The following SCN10A variants were observed in gnomAD, a reference collection of about 807,000 sequenced individuals.
SCN10A encodes sodium voltage-gated channel alpha subunit 10, also known as sodium channel protein type 10 subunit alpha.
In SCN10A, 162 loss-of-function variants were observed where a neutral mutation model predicts 170.7. The ratio of observed to expected loss-of-function variants is 0.95; its 90% confidence interval spans 0.84 to 1.08. The LOEUF is 1.08. Ranked by LOEUF, SCN10A falls within the 50% of genes least tolerant of loss-of-function variation. The pLI is 0.00. For missense variants in SCN10A, 2,527 were observed against 2,436.9 expected, an observed-to-expected ratio of 1.04 and a Z score of -0.78; for synonymous variants, 985 against 904.6, an observed-to-expected ratio of 1.09 and a Z score of -1.59.
At chr3:38,801,421 T>C (rs4676593) in intron 1 of SCN10A, among the ~76,000 whole-genome samples, 48,234 of 152,090 alleles carry the variant, frequency 0.32, 8,337 homozygotes, top group African/African-American at 0.44. Context: ...CTGTGCTTAC[T>C]GTGATATAAA....
At chr3:38,731,907 G>A (rs2126005841) in intron 15 of SCN10A, among the ~76,000 whole-genome samples, 1 of 152,300 alleles carries the variant, frequency 6.6e-6, no homozygotes, top group Admixed American at 6.5e-5. Flanking sequence ...ACAGATCTGA[G>A]CTTGACCTCC....
At chr3:38,798,595 G>T (rs1185184491) in intron 1 of SCN10A, among the ~76,000 whole-genome samples, 1 of 152,116 alleles carries the variant, frequency 6.6e-6, no homozygotes, top group African/African-American at 2.4e-5. Flanking sequence ...GGCTGAGGAG[G>T]AGACAATCCA....
chr3:38,771,599 C>T (rs2064001261), intron 4 of SCN10A, among the ~76,000 whole-genome samples, 192 bp from the exon 5 acceptor site: 1 of 152,132 alleles, frequency 6.6e-6, no homozygotes. Flanking sequence ...AAAGAAGGGC[C>T]ACACAAATAG....
At chr3:38,802,136 T>G (rs1018277524) in intron 1 of SCN10A, among the ~76,000 whole-genome samples, 4 of 152,118 alleles carry the variant, frequency 2.6e-5, no homozygotes, top group African/African-American at 9.7e-5. Flanking sequence ...TGCCAGACAC[T>G]TTTTTACACT....
intron 4 of SCN10A, among the ~76,000 whole-genome samples, chr3:38,786,608 C>A (rs751875406): frequency 6.6e-6 from 1 of 151,958 alleles, no homozygotes; most frequent in Non-Finnish European, 1.5e-5. Context: ...GCACATGTAC[C>A]CCAGAACTTA....
At chr3:38,714,759 G>A (rs534725275) in intron 21 of SCN10A, among the ~76,000 whole-genome samples, 1 of 152,300 alleles carries the variant, frequency 6.6e-6, no homozygotes, top group South Asian at 2.1e-4. Context: ...ACTGACTTGT[G>A]AGCCCCTTTT....
At chr3:38,793,275 A>C (rs1193510761) in intron 2 of SCN10A, among the ~76,000 whole-genome samples, 1 of 152,146 alleles carries the variant, frequency 6.6e-6, no homozygotes, top group Non-Finnish European at 1.5e-5. Flanking sequence ...ATTGTTATAC[A>C]ATAGTTTTCA....
chr3:38,720,648 G>C (rs913592328), intron 20 of SCN10A, among the ~76,000 whole-genome samples: 3 of 152,044 alleles, frequency 2.0e-5, no homozygotes, highest in Admixed American at 6.5e-5. Context: ...CAGGGGGCGG[G>C]CTGGGCTGGC....
chr3:38,745,066 G>T (rs2063672542), intron 13 of SCN10A, among the ~76,000 whole-genome samples: 1 of 152,216 alleles, frequency 6.6e-6, no homozygotes, highest in African/African-American at 2.4e-5. Context: ...ACAGGAAGTA[G>T]TCATGAATGA....
intron 4 of SCN10A, 117 bp downstream of exon 4, chr3:38,788,839 A>C (rs2064242600): frequency 3.0e-6 from 2 of 676,446 alleles, no homozygotes; most frequent in African/African-American, 3.6e-5. Context: ...ATAGACAATG[A>C]GATTCAGCAT....
At chr3:38,731,321 T>C (rs557072486) in intron 15 of SCN10A, among the ~76,000 whole-genome samples, 1 of 152,310 alleles carries the variant, frequency 6.6e-6, no homozygotes, top group African/African-American at 2.4e-5. Context: ...AGGCACTTAC[T>C]AAAAGAAATT....
At chr3:38,719,222 C>G (rs1247743373) in intron 20 of SCN10A, among the ~76,000 whole-genome samples, 1 of 152,214 alleles carries the variant, frequency 6.6e-6, no homozygotes, top group Non-Finnish European at 1.5e-5. Flanking sequence ...ATCGCCAACA[C>G]ACCTCTGAAA....
chr3:38,722,351 G>C lies in SCN10A; in HGVS notation c.3414C>G (p.Gly1138=). Residue 1138 remains glycine, a synonymous_variant, in exon 20 of 28, where the codon GGC becomes GGG. Transcript: ENST00000449082. The stretch of plus-strand genomic sequence containing the variant: ...GGTAGCAAGTCTTGCGCACCTGCCA[G>C]CCCACATCCCATGGACTCTTGGTGG... The part of the protein sequence containing the change: ...LDTTKSPWDV[G]WQVRKTCYRI... 1 of 1,614,130 alleles carries C rather than the reference G, an allele frequency of 6.2e-7. No individual in the cohort carries two copies. The highest frequency in any genetic ancestry group is 8.5e-7 in the Non-Finnish European group (1 of 1,179,986).
chr3:38,752,469 C>CCA lies in SCN10A; in HGVS notation c.1503_1504dup (p.Gly502ValfsTer101). On this transcript the variant is annotated frameshift_variant, in exon 12 of 28. Transcript: ENST00000449082. LOFTEE classifies it high-confidence loss of function. ...AGGGGACCGGAAATGGAACACACTGCCATGACTAGCCCGGCGTTTTCCAGA... is the reference window on the plus strand; with the variant it reads ...AGGGGACCGGAAATGGAACACACTGCCACATGACTAGCCCGGCGTTTTCCAGA... The CCA allele has an allele frequency of 6.2e-7, 1 of 1,608,572 alleles. No individual in the cohort carries two copies. The highest frequency in any genetic ancestry group is 1.1e-5 in the South Asian group (1 of 90,192).
At position 38,763,502 on chromosome 3, in the gene SCN10A, C is replaced by T. The variant is rs2063898424; in HGVS notation, c.691+3G>A. 2 of 1,610,402 alleles carry T rather than the reference C, an allele frequency of 1.2e-6. No homozygotes were observed. The highest frequency in any genetic ancestry group is 1.3e-5 in the African/African-American group (1 of 74,846). On this transcript the variant is annotated splice_donor_region_variant and intron_variant, in intron 6 of 27. Coordinates refer to ENST00000449082, the MANE Select transcript of SCN10A (RefSeq NM_006514.4). ...AACATATGCTCTGTGAATAAATGCTCACCTGGGATCACAGAAACTGTTTTT... is the reference window on the plus strand; with the variant it reads ...AACATATGCTCTGTGAATAAATGCTTACCTGGGATCACAGAAACTGTTTTT...
chr3:38,805,013 G>A (rs988044938), intron 1 of SCN10A, among the ~76,000 whole-genome samples: 5 of 152,264 alleles, frequency 3.3e-5, no homozygotes, highest in African/African-American at 9.6e-5. Context: ...AATAAGTACC[G>A]TGGAGTGGAG....
At chr3:38,754,670 G>A (rs1450819253) in intron 11 of SCN10A, among the ~76,000 whole-genome samples, 1 of 152,212 alleles carries the variant, frequency 6.6e-6, no homozygotes, top group Non-Finnish European at 1.5e-5. Flanking sequence ...GCAAGAAAGA[G>A]GAGGGCACAG....
chr3:38,752,069 C>G, intron 12 of SCN10A, 150 bp downstream of exon 12: 1 of 633,740 alleles, frequency 1.6e-6, no homozygotes, highest in Admixed American at 3.9e-5. Context: ...TGGGTCTCAT[C>G]TTCTATGTCT....
intron 1 of SCN10A, among the ~76,000 whole-genome samples, chr3:38,803,716 T>A (rs1277145299): frequency 1.3e-5 from 2 of 151,434 alleles, no homozygotes; most frequent in Non-Finnish European, 2.9e-5. Context: ...AGTTAATGGG[T>A]GCAGCACACC....
Sources: gnomAD v4.1 joint callset for allele counts (sites outside exome capture counted in the v4.1 genomes callset) on GRCh38, gnomAD v4.1.1 for gene constraint, MANE v1.5 for transcripts, NCBI Gene and HGNC (gene_info 2026-07-23, HGNC 2026-07-21) for gene names.